KHDRBS3: variants seen among roughly 807,000 people sequenced by gnomAD.
The protein encoded by KHDRBS3 is KH domain-containing, RNA-binding, signal transduction-associated protein 3.
In KHDRBS3, 23 loss-of-function variants were observed where a neutral mutation model predicts 45.6. The ratio of observed to expected loss-of-function variants is 0.50; its 90% CI spans 0.36 to 0.72. The LOEUF (loss-of-function observed/expected upper bound fraction) is 0.72, where lower values mean the gene tolerates loss of function less well. KHDRBS3 is among the 30% of genes least tolerant of loss of function. The pLI, the probability that KHDRBS3 is intolerant of heterozygous loss-of-function variation, is 0.00. For synonymous variants in KHDRBS3, 162 were observed against 156.5 expected, an observed-to-expected ratio of 1.04 and a Z score of -0.26; for missense variants, 352 against 424.8, an observed-to-expected ratio of 0.83 and a Z score of 1.51.
chr8:135,645,161 G>T, intron 8 of KHDRBS3, 44 bp downstream of exon 8: 1 of 1,588,446 alleles, frequency 6.3e-7, no homozygotes, highest in Non-Finnish European at 8.6e-7. Context: ...AGGAGAGATG[G>T]CCGTAGAAAG....
rs533148069 is a variant in KHDRBS3, at chr8:135,593,169, G to A, written c.807+11096G>A. ...GCTTTGATGCAGATATAAGAGGGCA[G>A]AGAGGGCAGAGAGCTTTTTAAATCT... On this transcript the variant is annotated intron_variant, in intron 6 of 8. Transcript: ENST00000355849. Among the ~76,000 whole-genome samples the A allele has an allele frequency of 2.0e-4, 30 of 152,308 alleles. 1 individual carries two copies. Among genetic ancestry groups the A allele is most frequent in the African/African-American group, 6.7e-4 (28 of 41,574 alleles).
At chr8:135,569,817 G>C (rs769952423) in intron 5 of KHDRBS3, among the ~76,000 whole-genome samples, 1 of 152,090 alleles carries the variant, frequency 6.6e-6, no homozygotes, top group Non-Finnish European at 1.5e-5. Context: ...TGCTCAGTGC[G>C]GAGTGCCAGG....
At chr8:135,602,586 T>TA (rs398113054) in intron 6 of KHDRBS3, among the ~76,000 whole-genome samples, 1 of 151,674 alleles carries the variant, frequency 6.6e-6, no homozygotes, top group South Asian at 2.1e-4. Context: ...GTTTTTTTTT[T>TA]ATAATTCTAG....
At chr8:135,461,717 A>G (rs1821441408) in intron 1 of KHDRBS3, among the ~76,000 whole-genome samples, 2 of 152,244 alleles carry the variant, frequency 1.3e-5, no homozygotes, top group South Asian at 2.1e-4. Context: ...CCATTAAATA[A>G]GATTACATAA....
chr8:135,644,158 T>C lies in KHDRBS3; in HGVS notation c.891-901T>C, dbSNP rs1004314885. 9.8e-5 allele frequency among the ~76,000 whole-genome samples: 15 copies of C among 152,320 alleles called. No individual in the cohort carries two copies. The East Asian group carries it at 2.7e-3, about 27-fold the overall frequency. ...TGGTTATGGCTGAGTAATCTAGACT[T>C]TTCACAAGTCTATTCCTGTAAAAAA... On this transcript the variant is annotated intron_variant, in intron 7 of 8. Coordinates refer to ENST00000355849, the MANE Select transcript of KHDRBS3 (RefSeq NM_006558.3).
chr8:135,624,545 C>T (rs1830278051), intron 7 of KHDRBS3, among the ~76,000 whole-genome samples: 1 of 152,204 alleles, frequency 6.6e-6, no homozygotes, highest in African/African-American at 2.4e-5. Flanking sequence ...TATATCCAGG[C>T]AATGATGCCG....
rs1831328216 is a variant in KHDRBS3 at position 135,647,217 on chromosome 8, C to A, written c.*133C>A. On this transcript the variant is annotated 3_prime_UTR_variant, in exon 9 of 9. Coordinates refer to ENST00000355849, the MANE Select transcript of KHDRBS3 (RefSeq NM_006558.3). Reference sequence around the variant, plus strand: ...AAATCTGAATGGATGGAACTTAAAACTACTTTGTTGAAACATCAACCTGGG... The same window carrying A: ...AAATCTGAATGGATGGAACTTAAAAATACTTTGTTGAAACATCAACCTGGG... 6 of 325,930 alleles carry A rather than the reference C, an allele frequency of 1.8e-5. No individual in the cohort carries two copies. The highest frequency in any genetic ancestry group is 2.8e-5 in the Non-Finnish European group (5 of 180,794). 20.2% of individuals were successfully genotyped at this position (325,930 alleles called of 1,614,324 possible).
chr8:135,548,439 C>G (rs541885363), intron 3 of KHDRBS3, among the ~76,000 whole-genome samples: 8 of 152,228 alleles, frequency 5.3e-5, no homozygotes, highest in African/African-American at 1.9e-4. Flanking sequence ...GAGGGTTGAG[C>G]AAAGGAGACT....
chr8:135,570,727 C>G (rs1211692556), intron 5 of KHDRBS3, among the ~76,000 whole-genome samples: 1 of 152,182 alleles, frequency 6.6e-6, no homozygotes, highest in African/African-American at 2.4e-5. Context: ...TTAATCCCAA[C>G]TAGGCTTGTT....
At chr8:135,494,944 CTGTGATAA>C (rs1383056936) in intron 1 of KHDRBS3, among the ~76,000 whole-genome samples, 4 of 152,136 alleles carry the variant, frequency 2.6e-5, no homozygotes, top group African/African-American at 7.2e-5. Context: ...GATTGAGAGT[CTGTGATAA>C]TGCAAGCAGA....
chr8:135,612,399 C>G (rs945885995), intron 7 of KHDRBS3, among the ~76,000 whole-genome samples: 1 of 151,820 alleles, frequency 6.6e-6, no homozygotes, highest in Non-Finnish European at 1.5e-5. Context: ...ATATTACAGT[C>G]GTAGGCTTAG....
chr8:135,635,026 GA>G (rs1182071097), intron 7 of KHDRBS3, among the ~76,000 whole-genome samples: 3 of 151,966 alleles, frequency 2.0e-5, no homozygotes, highest in Non-Finnish European at 4.4e-5. Context: ...GTGGTGTGGG[GA>G]AAAAAATTAC....
chr8:135,573,329 A>C lies in KHDRBS3; in HGVS notation c.612-8549A>C, dbSNP rs551591052. The stretch of plus-strand genomic sequence containing the variant: ...TAGTATGTGTTTACAAACTCTTATC[A>C]GACCACATTGCTGTTGCTAAATGTG... On this transcript the variant is annotated intron_variant, in intron 5 of 8. Transcript: ENST00000355849. Among the ~76,000 whole-genome samples the C allele has an allele frequency of 3.3e-5, 5 of 152,378 alleles. No homozygotes were observed. The East Asian group carries it at 9.6e-4, about 29-fold the overall frequency.
At chr8:135,645,163 C>G (rs952451472) in intron 8 of KHDRBS3, 46 bp downstream of exon 8, 7 of 1,581,466 alleles carry the variant, frequency 4.4e-6, no homozygotes, top group Non-Finnish European at 5.2e-6. Flanking sequence ...GAGAGATGGC[C>G]GTAGAAAGAC....
At chr8:135,497,621 T>C (rs757239465) in intron 1 of KHDRBS3, among the ~76,000 whole-genome samples, 16 of 152,118 alleles carry the variant, frequency 1.1e-4, no homozygotes, top group Non-Finnish European at 2.1e-4. Context: ...AAAAAAGTAA[T>C]ATATCAAAAT....
intron 6 of KHDRBS3, among the ~76,000 whole-genome samples, chr8:135,589,295 G>A (rs1191365640): frequency 6.6e-6 from 1 of 152,010 alleles, no homozygotes; most frequent in Non-Finnish European, 1.5e-5. Context: ...TCTAACATCG[G>A]ATATGCTACT....
intron 1 of KHDRBS3, among the ~76,000 whole-genome samples, chr8:135,489,058 A>G (rs1304660378): frequency 2.6e-5 from 4 of 152,320 alleles, no homozygotes; most frequent in African/African-American, 7.2e-5. Flanking sequence ...GTGAATGACC[A>G]TCCAGTAAAT....
intron 1 of KHDRBS3, among the ~76,000 whole-genome samples, chr8:135,459,843 GA>G (rs761685340): frequency 9.2e-5 from 14 of 152,208 alleles, no homozygotes; most frequent in Non-Finnish European, 2.9e-5. Flanking sequence ...ATTTACTGGG[GA>G]AATGTTGCCA....
In KHDRBS3 at chr8:135,548,752, A is replaced by T; in HGVS notation, c.325-2A>T. The T allele has an allele frequency of 6.7e-7, 1 of 1,496,494 alleles. No homozygotes were observed. Among genetic ancestry groups the T allele is most frequent in the Admixed American group, 2.3e-5 (1 of 43,376 alleles). 92.7% of individuals were successfully genotyped at this position (1,496,494 alleles called of 1,614,324 possible). On this transcript the variant is annotated splice_acceptor_variant, in intron 3 of 8. Coordinates refer to ENST00000355849, the MANE Select transcript of KHDRBS3 (RefSeq NM_006558.3). LOFTEE classifies it high-confidence loss of function. ...ATGTGATTTCTTTTTTCCTTTTTCC[A>T]GGAAGAAGAGTTGAGGAAAAGTGGA...
Sources: allele counts gnomAD v4.1 joint callset (sites outside exome capture counted in the v4.1 genomes callset), GRCh38; gene constraint gnomAD v4.1.1; transcripts MANE v1.5; gene names NCBI Gene and HGNC (gene_info 2026-07-23, HGNC 2026-07-21).